COX16: variants seen among roughly 807,000 people sequenced by gnomAD.
The protein encoded by COX16 is cytochrome c oxidase assembly factor COX16.
COX16 carries 12 observed loss-of-function variants against 15.4 expected under a neutral mutation model. The observed-to-expected ratio is 0.78, with a 90% CI of 0.50 to 1.26. The LOEUF (loss-of-function observed/expected upper bound fraction) is 1.26, where lower values mean the gene tolerates loss of function less well. Among genes scored for constraint, COX16 ranks in the 50% most tolerant of loss-of-function variants. COX16 has a pLI of 0.00. For missense variants in COX16, 124 were observed against 127.6 expected (o/e 0.97, Z 0.14); for synonymous variants, 46 against 41.1 (o/e 1.12, Z -0.46).
intron 1 of COX16, chr14:70,359,220 T>C: frequency 1.9e-6 from 1 of 519,298 alleles, no homozygotes; most frequent in Non-Finnish European, 3.7e-6. Flanking sequence ...TTTACTTAAC[T>C]GTGAATCAAG....
intron 2 of COX16, 64 bp downstream of exon 2, chr14:70,342,594 A>G (rs1288830678): frequency 2.0e-5 from 30 of 1,530,960 alleles, no homozygotes; most frequent in Non-Finnish European, 2.6e-5. Context: ...CTGAGTATAC[A>G]ATTCTCCTAA....
chr14:70,330,833 T>C (rs908713480), intron 2 of COX16, among the ~76,000 whole-genome samples: 1 of 152,172 alleles, frequency 6.6e-6, no homozygotes, highest in Non-Finnish European at 1.5e-5. Flanking sequence ...TAAGAGAATA[T>C]ATTCCTCACA....
intron 1 of COX16, among the ~76,000 whole-genome samples, chr14:70,354,841 C>CGTGTGTGTGTGTGT (rs55646280): frequency 1.3e-3 from 192 of 148,978 alleles, no homozygotes; most frequent in South Asian, 4.9e-3. Context: ...TGTGTGTGTG[C>CGTGTGTGTGTGTGT]GTGTGTGTGT....
At chr14:70,352,056 G>A (rs188959647) in intron 1 of COX16, among the ~76,000 whole-genome samples, 171 of 151,924 alleles carry the variant, frequency 1.1e-3, no homozygotes, top group African/African-American at 3.9e-3. Flanking sequence ...GGGAAGTGTG[G>A]TAAATTTCAT....
intron 2 of COX16, among the ~76,000 whole-genome samples, chr14:70,337,547 T>C (rs1886492732): frequency 6.6e-6 from 1 of 152,026 alleles, no homozygotes; most frequent in African/African-American, 2.4e-5. Context: ...TTATAAATAA[T>C]GTCTAGTATT....
At chr14:70,335,681 A>C (rs2140700674) in intron 2 of COX16, among the ~76,000 whole-genome samples, 1 of 152,036 alleles carries the variant, frequency 6.6e-6, no homozygotes, top group South Asian at 2.1e-4. Flanking sequence ...AGCTATGTTC[A>C]TTTGTTTACC....
At chr14:70,349,235 C>G (rs34287273) in intron 1 of COX16, among the ~76,000 whole-genome samples, 1 of 152,288 alleles carries the variant, frequency 6.6e-6, no homozygotes, top group South Asian at 2.1e-4. Flanking sequence ...CCCCAGGGCT[C>G]CCTCCGGCCA....
chr14:70,330,010 A>C (rs935615642), intron 2 of COX16, among the ~76,000 whole-genome samples: 1 of 152,162 alleles, frequency 6.6e-6, no homozygotes, highest in Non-Finnish European at 1.5e-5. Context: ...CCAGAATTAG[A>C]AAATAAAGGG....
At chr14:70,351,535 TCTTTA>T (rs1194709490) in intron 1 of COX16, among the ~76,000 whole-genome samples, 2 of 152,214 alleles carry the variant, frequency 1.3e-5, no homozygotes, top group African/African-American at 4.8e-5. Flanking sequence ...TTGATTTTCT[TCTTTA>T]CTTTACCATC....
chr14:70,334,102 AAAGAT>A (rs1886371441), intron 2 of COX16, among the ~76,000 whole-genome samples: 3 of 152,236 alleles, frequency 2.0e-5, no homozygotes, highest in Admixed American at 2.0e-4. Flanking sequence ...CTTCATACTA[AAAGAT>A]AAGAATACTG....
At chr14:70,344,785 G>A (rs545771361) in intron 1 of COX16, among the ~76,000 whole-genome samples, 37 of 152,238 alleles carry the variant, frequency 2.4e-4, no homozygotes, top group Admixed American at 1.9e-3. Flanking sequence ...GAAGAGAGCC[G>A]GCCGGAAAAT....
chr14:70,336,656 G>A (rs1886466338), intron 2 of COX16, among the ~76,000 whole-genome samples: 1 of 152,176 alleles, frequency 6.6e-6, no homozygotes, highest in South Asian at 2.1e-4. Flanking sequence ...GTGGGCACGA[G>A]GAACTGACTG....
chr14:70,327,593 A>G (rs1443711924), intron 3 of COX16, among the ~76,000 whole-genome samples: 1 of 152,198 alleles, frequency 6.6e-6, no homozygotes, highest in East Asian at 1.9e-4. Context: ...CAACTAATTT[A>G]GCATACAAGA....
rs575842529 is a variant in COX16, at chr14:70,354,638, C to T, written c.69+4881G>A. Reference sequence around the variant, plus strand: ...CTGCATGCAGGACCCTCCTGGACCTCGACATATGAGTCTCTTTTTTTGGCT... The same window carrying T: ...CTGCATGCAGGACCCTCCTGGACCTTGACATATGAGTCTCTTTTTTTGGCT... On this transcript the variant is annotated intron_variant, in intron 1 of 3. Transcript: ENST00000389912. 3.0e-4 allele frequency among the ~76,000 whole-genome samples: 46 copies of T among 152,222 alleles called. 1 individual carries two copies. The highest frequency in any genetic ancestry group is 1.6e-3 in the Admixed American group (25 of 15,290).
In COX16 at chr14:70,326,131, C is replaced by A. The variant is rs1200293743; in HGVS notation, c.*202G>T. On this transcript the variant is annotated 3_prime_UTR_variant, in exon 4 of 4. Transcript: ENST00000389912. ...AAAATATACGTGGCCAACATTGTTA[C>A]TTTCATCCACAGATGGAATAGCTGG... 6.1e-6 allele frequency: 2 copies of A among 328,988 alleles called. No homozygotes were observed. Among genetic ancestry groups the A allele is most frequent in the Non-Finnish European group, 1.1e-5 (2 of 188,572 alleles). The allele number at this position is 328,988 out of a possible 1,614,324, so 20.4% of individuals were successfully genotyped here. A position where few individuals can be genotyped will look rare whatever the true frequency, so the allele number is the denominator to read the frequency against.
chr14:70,339,049 AATCTT>A (rs1236407815), intron 2 of COX16, among the ~76,000 whole-genome samples: 1 of 152,220 alleles, frequency 6.6e-6, no homozygotes, highest in Non-Finnish European at 1.5e-5. Flanking sequence ...TTCATTATCT[AATCTT>A]AGAAAACACG....
chr14:70,343,609 G>A (rs1886686608), intron 1 of COX16, among the ~76,000 whole-genome samples: 2 of 152,210 alleles, frequency 1.3e-5, no homozygotes, highest in Middle Eastern at 3.4e-3. Flanking sequence ...TGTATTCCCA[G>A]GGACAATATG....
chr14:70,351,989 GATGAC>G (rs1430133173), intron 1 of COX16, among the ~76,000 whole-genome samples: 1 of 152,068 alleles, frequency 6.6e-6, no homozygotes, highest in African/African-American at 2.4e-5. Flanking sequence ...TAGATTTTTG[GATGAC>G]ATGATAAAGC....
At chr14:70,342,187 G>C (rs757068200) in intron 2 of COX16, among the ~76,000 whole-genome samples, 1 of 152,190 alleles carries the variant, frequency 6.6e-6, no homozygotes, top group Non-Finnish European at 1.5e-5. Flanking sequence ...GCTCACACCT[G>C]TAATCCCAAC....
Sources: gnomAD v4.1 joint callset for allele counts (sites outside exome capture counted in the v4.1 genomes callset) on GRCh38, gnomAD v4.1.1 for gene constraint, MANE v1.5 for transcripts, NCBI Gene and HGNC (gene_info 2026-07-23, HGNC 2026-07-21) for gene names.